TBC1D1: variants seen among roughly 807,000 people sequenced by gnomAD.
TBC1D1 encodes TBC1 domain family member 1, also known as TBC1 (tre-2/USP6, BUB2, cdc16) domain family, member 1.
TBC1D1 carries 89 observed loss-of-function variants against 125.6 expected under a neutral mutation model. The observed-to-expected ratio is 0.71, with a 90% CI of 0.60 to 0.85. TBC1D1 has a LOEUF of 0.85. Ranked by LOEUF, TBC1D1 falls within the 40% of genes least tolerant of loss-of-function variation. The pLI is 0.00. For synonymous variants in TBC1D1, 565 were observed against 564.1 expected, an observed-to-expected ratio of 1.00 and a Z score of -0.02; for missense variants, 1,377 against 1,469.2, an observed-to-expected ratio of 0.94 and a Z score of 1.03.
chr4:37,979,658 G>T (rs1225388296), intron 2 of TBC1D1, among the ~76,000 whole-genome samples: 1 of 152,218 alleles, frequency 6.6e-6, no homozygotes, highest in Admixed American at 6.5e-5. Flanking sequence ...ATCCAGTTAC[G>T]CAGCTGACTT....
intron 2 of TBC1D1, among the ~76,000 whole-genome samples, chr4:38,012,331 A>C (rs950972479): frequency 6.6e-6 from 1 of 152,072 alleles, no homozygotes; most frequent in Non-Finnish European, 1.5e-5. Context: ...CCCAGGCTGG[A>C]GTGCAGTGGT....
Position 37,891,222 on chromosome 4 carries a change from CCG to C in TBC1D1, c.-217_-216del, listed in dbSNP as rs1366795072. On this transcript the variant is annotated 5_prime_UTR_variant, in exon 1 of 20. Transcript: ENST00000261439. ...CGAGGGGAGCCCCCTCCCCGTCCCC[CCG>C]CGGCGGGAAGAGCGCAGCCAGCCGG... The C allele has an allele frequency of 6.5e-6, 1 of 152,986 alleles. No homozygotes were observed. Among genetic ancestry groups the C allele is most frequent in the African/African-American group, 2.4e-5 (1 of 41,462 alleles). 9.5% of individuals were successfully genotyped at this position (152,986 alleles called of 1,614,324 possible).
At chr4:37,960,857 G>C (rs1729889169) in intron 2 of TBC1D1, 1 of 1,614,134 alleles carries the variant, frequency 6.2e-7, no homozygotes, top group Non-Finnish European at 8.5e-7. Flanking sequence ...ACCTCCCCTT[G>C]AGTGGAGTGC....
At position 38,000,007 on chromosome 4, in the gene TBC1D1, C is replaced by T. The variant is rs181382139; in HGVS notation, c.418-14502C>T. The stretch of plus-strand genomic sequence containing the variant: ...ATTTATACTGTGTAGAAATTAATTC[C>T]ATTATTCTAACTAATGGACACTTGA... On this transcript the variant is annotated intron_variant, in intron 2 of 19. Transcript: ENST00000261439. 2.2e-3 allele frequency among the ~76,000 whole-genome samples: 339 copies of T among 152,144 alleles called. 1 individual carries two copies. Among genetic ancestry groups the T allele is most frequent in the African/African-American group, 7.5e-3 (311 of 41,492 alleles).
intron 12 of TBC1D1, among the ~76,000 whole-genome samples, chr4:38,072,412 G>A (rs1314645002): frequency 2.0e-5 from 3 of 152,120 alleles, no homozygotes; most frequent in Non-Finnish European, 4.4e-5. Context: ...TTTGGCCTGT[G>A]GCCTTTTGTT....
In TBC1D1 at chr4:38,099,564, A is replaced by G. The variant is rs529030216; in HGVS notation, c.2399-3435A>G. Among the ~76,000 whole-genome samples, 173 of 152,258 alleles carry G rather than the reference A, an allele frequency of 1.1e-3. 1 individual carries two copies. Among genetic ancestry groups the G allele is most frequent in the African/African-American group, 4.0e-3 (167 of 41,556 alleles). On this transcript the variant is annotated intron_variant, in intron 14 of 19. Transcript: ENST00000261439. ...TTATTCTAGTTATGGGTGGTTTTTC[A>G]CTTTCTTCTTTATACCTCTTGCATT... is the stretch of plus-strand genomic sequence containing the variant.
rs1742280156 is a variant in TBC1D1 at position 38,014,722 on chromosome 4, A to G, written c.631A>G (p.Ser211Gly). 6 of 1,610,242 alleles carry G rather than the reference A, an allele frequency of 3.7e-6. No individual in the cohort carries two copies. The highest frequency in any genetic ancestry group is 5.1e-6 in the Non-Finnish European group (6 of 1,178,220). Residue 211 changes from serine (S) to glycine (G), a missense_variant, in exon 3 of 20, where the codon AGC (serine) becomes GGC (glycine). Physicochemically the swap from Ser to Gly is moderately conservative, Grantham distance 56 (BLOSUM62 0). Coordinates refer to ENST00000261439, the MANE Select transcript of TBC1D1 (RefSeq NM_015173.4). This position sits in a 1 kb window ranked among gnomAD's most constrained non-coding sequence, Gnocchi z 5.1. ...CGTCAGCGGCAGCCGGGGGTCCGAGAGCCCCCGCCCCAACCCGCCCCATGC... is the reference window on the plus strand; with the variant it reads ...CGTCAGCGGCAGCCGGGGGTCCGAGGGCCCCCGCCCCAACCCGCCCCATGC...
intron 1 of TBC1D1, among the ~76,000 whole-genome samples, chr4:37,901,601 A>G (rs6830796): frequency 0.36 from 39,358 of 109,840 alleles, 5,544 homozygotes; most frequent in African/African-American, 0.45. Flanking sequence ...TTTGTGATTC[A>G]GAACCTCTAG....
At chr4:38,098,128 G>T (rs1759690832) in intron 14 of TBC1D1, among the ~76,000 whole-genome samples, 1 of 152,220 alleles carries the variant, frequency 6.6e-6, no homozygotes, top group Admixed American at 6.5e-5. Flanking sequence ...CTCTTTCTGG[G>T]CTCTTGCCCC....
intron 13 of TBC1D1, among the ~76,000 whole-genome samples, chr4:38,091,725 A>C (rs927879601): frequency 2.6e-5 from 4 of 152,234 alleles, no homozygotes; most frequent in African/African-American, 9.6e-5. Context: ...AGTGTGCCAC[A>C]AAAGCAGAAT....
At chr4:37,892,153 C>T (rs547245848) in intron 1 of TBC1D1, among the ~76,000 whole-genome samples, 1 of 152,258 alleles carries the variant, frequency 6.6e-6, no homozygotes, top group East Asian at 1.9e-4. Context: ...GGGATGATTT[C>T]ATTTATTAAT....
chr4:38,093,464 G>T (rs924525208), intron 13 of TBC1D1, among the ~76,000 whole-genome samples: 1 of 151,662 alleles, frequency 6.6e-6, no homozygotes, highest in African/African-American at 2.4e-5. Context: ...AACAAAAAGC[G>T]CTGCCTCTCT....
chr4:38,129,805 A>G (rs766856050), intron 18 of TBC1D1, among the ~76,000 whole-genome samples: 1 of 152,222 alleles, frequency 6.6e-6, no homozygotes, highest in Non-Finnish European at 1.5e-5. Context: ...AACTTATGTA[A>G]CATATAATGC....
In TBC1D1 at chr4:38,133,141, C is replaced by A; in HGVS notation, c.3190C>A (p.Leu1064Ile). ...AGCTTATGAAGTTGAGTACCACGTCCTTCAAGAAGAACTTATCGATTCCTC... is the reference window on the plus strand; with the variant it reads ...AGCTTATGAAGTTGAGTACCACGTCATTCAAGAAGAACTTATCGATTCCTC... The change falls in exon 19 of 20, where the codon CTT becomes ATT. Residue 1064 changes from leucine to isoleucine, a missense_variant. Leu to Ile is a conservative substitution (Grantham distance 5, BLOSUM62 2). Coordinates refer to ENST00000261439, the MANE Select transcript of TBC1D1 (RefSeq NM_015173.4). The A allele has an allele frequency of 6.2e-7, 1 of 1,614,180 alleles. No individual in the cohort carries two copies. The highest frequency in any genetic ancestry group is 8.5e-7 in the Non-Finnish European group (1 of 1,180,018).
intron 12 of TBC1D1, among the ~76,000 whole-genome samples, chr4:38,060,822 C>T (rs903316988): frequency 1.3e-5 from 2 of 152,164 alleles, no homozygotes; most frequent in African/African-American, 4.8e-5. Flanking sequence ...GCAGTAGGTC[C>T]GGGTGGGTTC....
chr4:38,039,140 CAG>C (rs1240691893), intron 8 of TBC1D1, among the ~76,000 whole-genome samples: 6 of 55,472 alleles, frequency 1.1e-4, no homozygotes, highest in Admixed American at 3.8e-4. Context: ...TTTTTTGAGA[CAG>C]AGTCTCACTC....
At chr4:38,087,280 G>A (rs538962871) in intron 12 of TBC1D1, among the ~76,000 whole-genome samples, 1 of 152,310 alleles carries the variant, frequency 6.6e-6, no homozygotes, top group African/African-American at 2.4e-5. Context: ...TAAAACCGGA[G>A]TTTCATAAAC....
chr4:38,052,194 T>TGTGTGTGTGTGTGTGTGCGC (rs755025486), intron 11 of TBC1D1, 134 bp downstream of exon 12: 9 of 581,424 alleles, frequency 1.5e-5, no homozygotes, highest in African/African-American at 1.2e-4. Context: ...TGTGTGTGTG[T>TGTGTGTGTGTGTGTGTGCGC]GCGCGCGCGT....
At chr4:37,938,144 G>C (rs1052736137) in intron 2 of TBC1D1, among the ~76,000 whole-genome samples, 1 of 152,114 alleles carries the variant, frequency 6.6e-6, no homozygotes, top group Non-Finnish European at 1.5e-5. Flanking sequence ...TACTTGAGAG[G>C]TTTAGATGGG....
Sources: allele counts gnomAD v4.1 joint callset (sites outside exome capture counted in the v4.1 genomes callset), GRCh38; gene constraint gnomAD v4.1.1; non-coding constraint Gnocchi (gnomAD v3.1); transcripts MANE v1.5; gene names NCBI Gene and HGNC (gene_info 2026-07-23, HGNC 2026-07-21).